Variants in PTK2 observed in about 807,000 individuals in gnomAD.
The protein encoded by PTK2 is protein tyrosine kinase 2.
A neutral mutation model predicts 150.1 loss-of-function variants in PTK2; 45 were observed. The ratio of observed to expected loss-of-function variants is 0.30; its 90% confidence interval spans 0.24 to 0.38. The LOEUF (loss-of-function observed/expected upper bound fraction) is 0.38. Among genes scored for constraint, PTK2 ranks in the 10% least tolerant of loss-of-function variants. PTK2 has a pLI of 1.00. For synonymous variants in PTK2, 432 were observed against 449.2 expected (o/e 0.96, Z 0.48); for missense variants, 919 against 1,307.3 (o/e 0.70, Z 4.58).
intron 9 of PTK2, 33 bp downstream of exon 9, chr8:140,818,847 C>G (rs2100106359): frequency 6.3e-7 from 1 of 1,597,748 alleles, no homozygotes. Context: ...TAAAATCAAA[C>G]TAGCCCACTA....
At chr8:140,720,747 T>TTTTCTTTC (rs58983259) in intron 22 of PTK2, among the ~76,000 whole-genome samples, 5 of 152,084 alleles carry the variant, frequency 3.3e-5, no homozygotes, top group Non-Finnish European at 5.9e-5. Flanking sequence ...CTCTAAGTCT[T>TTTTCTTTC]TTTCTTTCTT....
chr8:140,689,540 G>A (rs2100021925), intron 26 of PTK2, among the ~76,000 whole-genome samples: 1 of 152,162 alleles, frequency 6.6e-6, no homozygotes, highest in South Asian at 2.1e-4. Flanking sequence ...TTAGCTAACA[G>A]TATTGTATTA....
At chr8:140,760,394 G>A (rs1028086968) in intron 16 of PTK2, among the ~76,000 whole-genome samples, 1 of 152,050 alleles carries the variant, frequency 6.6e-6, no homozygotes, top group Non-Finnish European at 1.5e-5. Flanking sequence ...GTATTATTTG[G>A]CAATAAAAAG....
At chr8:140,794,087 C>G (rs1225807412) in intron 12 of PTK2, among the ~76,000 whole-genome samples, 2 of 152,174 alleles carry the variant, frequency 1.3e-5, no homozygotes, top group Non-Finnish European at 2.9e-5. Context: ...CTGGTTTAAC[C>G]TCTTTAATCT....
At chr8:140,913,483 A>T (rs376028340) in intron 2 of PTK2, among the ~76,000 whole-genome samples, 4 of 152,202 alleles carry the variant, frequency 2.6e-5, no homozygotes, top group African/African-American at 7.2e-5. Flanking sequence ...TTTAGTAAAG[A>T]CAGGGTTTCA....
At chr8:140,789,498 G>A (rs1042391332) in exon 14 of PTK2, 3 of 1,613,038 alleles carry the variant, frequency 1.9e-6, no homozygotes, top group African/African-American at 1.3e-5. Flanking sequence ...GCGTGTGTCC[G>A]CATGCCTTGC....
At chr8:140,702,170 A>C (rs1399710912) in intron 25 of PTK2, among the ~76,000 whole-genome samples, 11 of 149,570 alleles carry the variant, frequency 7.4e-5, no homozygotes, top group Non-Finnish European at 1.6e-4. Context: ...AAAATCAATA[A>C]ATCTTAGGAT....
intron 3 of PTK2, among the ~76,000 whole-genome samples, chr8:140,882,529 T>G (rs1290150967): frequency 6.6e-6 from 1 of 152,224 alleles, no homozygotes; most frequent in Admixed American, 6.5e-5. Context: ...AACCTGTCTC[T>G]CATAACCCAA....
chr8:140,958,377 T>C lies in PTK2; in HGVS notation c.-121-32628A>G, dbSNP rs139830796. ...CCAGGCTGGTCTTGAACTCCTAGAC[T>C]CAAGCAATCCTCCTGCTGTGGCCTC... On this transcript the variant is annotated intron_variant, in intron 1 of 31. Transcript: ENST00000522684. Among the ~76,000 whole-genome samples the C allele has an allele frequency of 3.4e-3, 520 of 152,264 alleles. 4 individuals carry two copies. Among genetic ancestry groups the C allele is most frequent in the African/African-American group, 0.012 (505 of 41,548 alleles).
chr8:140,663,354 T>C (rs2083724104), intron 31 of PTK2, among the ~76,000 whole-genome samples: 1 of 152,216 alleles, frequency 6.6e-6, no homozygotes, highest in African/African-American at 2.4e-5. Context: ...TCTGAAATGA[T>C]TTCAAAATAA....
chr8:140,787,321 TCC>T (rs1566369657), intron 14 of PTK2, among the ~76,000 whole-genome samples: 2 of 152,224 alleles, frequency 1.3e-5, no homozygotes, highest in African/African-American at 4.8e-5. Flanking sequence ...GAACATAGTC[TCC>T]TCAGCTTTAC....
chr8:140,878,342 G>A (rs999670505), intron 4 of PTK2, among the ~76,000 whole-genome samples: 7 of 152,182 alleles, frequency 4.6e-5, no homozygotes, highest in Admixed American at 2.6e-4. Flanking sequence ...GCTCACACCT[G>A]TAATCCCAAC....
intron 1 of PTK2, among the ~76,000 whole-genome samples, chr8:140,941,166 C>CTTA (rs2100175612): frequency 6.6e-6 from 1 of 152,170 alleles, no homozygotes; most frequent in Non-Finnish European, 1.5e-5. Context: ...TACCAGCACA[C>CTTA]TTTTAAGCCT....
chr8:140,802,083 T>TA (rs35068428), intron 11 of PTK2, among the ~76,000 whole-genome samples: 31,041 of 148,364 alleles, frequency 0.21, 3,732 homozygotes, highest in East Asian at 0.48. Flanking sequence ...TCTACTTATT[T>TA]AAAAAAAAAA....
chr8:140,937,392 A>T (rs1569220463), intron 1 of PTK2, among the ~76,000 whole-genome samples: 1 of 152,158 alleles, frequency 6.6e-6, no homozygotes, highest in East Asian at 1.9e-4. Flanking sequence ...TATAAAATGG[A>T]CTTAAATATG....
chr8:140,999,354 T>C (rs1407652773), intron 1 of PTK2, among the ~76,000 whole-genome samples: 1 of 152,222 alleles, frequency 6.6e-6, no homozygotes, highest in Non-Finnish European at 1.5e-5. Context: ...GATAGTGACC[T>C]GAAATTCTTT....
At chr8:140,746,717 T>C (rs764853810) in intron 18 of PTK2, 43 bp downstream of exon 21, 2 of 1,433,502 alleles carry the variant, frequency 1.4e-6, no homozygotes, top group East Asian at 2.3e-5. Flanking sequence ...GCAAAAGATA[T>C]CAAACGCTGA....
intron 2 of PTK2, among the ~76,000 whole-genome samples, chr8:140,898,848 G>A (rs971736643): frequency 1.3e-5 from 2 of 152,162 alleles, no homozygotes; most frequent in Non-Finnish European, 2.9e-5. Flanking sequence ...TGGTGAGGGA[G>A]GGTGTTGAAA....
exon 3 of PTK2, chr8:140,890,695 T>C (rs1466770413): frequency 6.2e-7 from 1 of 1,614,032 alleles, no homozygotes; most frequent in African/African-American, 1.3e-5. Context: ...GTACTCGAAT[T>C]TGGTGTGTGA....
Sources: allele counts gnomAD v4.1 joint callset (sites outside exome capture counted in the v4.1 genomes callset), GRCh38; gene constraint gnomAD v4.1.1; transcripts MANE v1.5; gene names NCBI Gene and HGNC (gene_info 2026-07-23, HGNC 2026-07-21).